CCSER2: variants seen among roughly 807,000 people sequenced by gnomAD.
CCSER2 encodes the protein coiled-coil serine rich protein 2, also known as serine-rich coiled-coil domain-containing protein 2.
CCSER2 carries 46 observed loss-of-function variants against 92.3 expected under a neutral mutation model. That is an observed-to-expected ratio of 0.50 (90% confidence interval 0.39 to 0.64). The LOEUF (loss-of-function observed/expected upper bound fraction) is 0.64, where lower values mean the gene tolerates loss of function less well. Among genes scored for constraint, CCSER2 ranks in the 30% least tolerant of loss-of-function variants. The probability of loss-of-function intolerance (pLI) is 0.00; values close to 1 mark genes in which losing one functional copy is unlikely to be tolerated. For synonymous variants in CCSER2, 433 were observed against 431.4 expected, an observed-to-expected ratio of 1.00 and a Z score of -0.04; for missense variants, 1,244 against 1,238.9, an observed-to-expected ratio of 1.00 and a Z score of -0.06.
chr10:84,478,164 G>A (rs1847264921), intron 9 of CCSER2, among the ~76,000 whole-genome samples: 2 of 152,158 alleles, frequency 1.3e-5, no homozygotes, highest in Non-Finnish European at 2.9e-5. Context: ...CAGAACTAGG[G>A]AATGGTTTAT....
intron 9 of CCSER2, among the ~76,000 whole-genome samples, chr10:84,508,885 T>G (rs1429645853): frequency 1.3e-5 from 2 of 152,236 alleles, no homozygotes; most frequent in African/African-American, 4.8e-5. Context: ...GAGGACATAC[T>G]ATGTGCTAGG....
chr10:84,417,945 CT>C, intron 4 of CCSER2, 84 bp downstream of exon 4: 1 of 740,020 alleles, frequency 1.4e-6, no homozygotes. Flanking sequence ...TACTTGCAGA[CT>C]TCTTAATCTT....
intron 6 of CCSER2, among the ~76,000 whole-genome samples, chr10:84,443,117 C>T (rs1040292212): frequency 2.0e-5 from 3 of 152,110 alleles, no homozygotes; most frequent in Admixed American, 1.3e-4. Flanking sequence ...ACACCAAAAG[C>T]GATGGCAGCA....
intron 5 of CCSER2, among the ~76,000 whole-genome samples, chr10:84,433,291 C>T (rs1458436982): frequency 6.6e-6 from 1 of 152,048 alleles, no homozygotes; most frequent in Non-Finnish European, 1.5e-5. Context: ...AAAATGTTAC[C>T]ACAAACATAA....
rs551897747 is a variant in CCSER2, at chr10:84,425,476, G to A, written c.1706-255G>A. Among the ~76,000 whole-genome samples the A allele has an allele frequency of 3.0e-4, 45 of 152,272 alleles. No homozygotes were observed. The South Asian group carries it at 9.1e-3, about 31-fold the overall frequency. On this transcript the variant is annotated intron_variant, in intron 4 of 9. Coordinates refer to ENST00000372088, the MANE Select transcript of CCSER2 (RefSeq NM_001284240.2). ...GTTAATTTGCCTGTTTTAAAACAGT[G>A]TGGCAGTTAATTGTTTACATGACTG...
chr10:84,453,738 TGTA>T (rs531315851), intron 6 of CCSER2, among the ~76,000 whole-genome samples: 126 of 152,348 alleles, frequency 8.3e-4, no homozygotes, highest in African/African-American at 2.7e-3. Context: ...CCATTTTTGT[TGTA>T]GTATTTTCAG....
intron 3 of CCSER2, among the ~76,000 whole-genome samples, chr10:84,376,880 T>C (rs893122862): frequency 9.2e-5 from 14 of 152,122 alleles, no homozygotes; most frequent in African/African-American, 2.7e-4. Context: ...TTTGCTATTT[T>C]GTGGGTATAG....
chr10:84,414,973 CATGTT>C (rs1339304670), intron 3 of CCSER2, among the ~76,000 whole-genome samples: 2 of 152,142 alleles, frequency 1.3e-5, no homozygotes, highest in Non-Finnish European at 2.9e-5. Context: ...GGGAAGTTCT[CATGTT>C]ATGATTTTTA....
intron 5 of CCSER2, among the ~76,000 whole-genome samples, chr10:84,434,371 CCT>C (rs1843977648): frequency 6.6e-6 from 1 of 152,040 alleles, no homozygotes; most frequent in African/African-American, 2.4e-5. Context: ...GAAAATAATC[CCT>C]GTTATATATT....
At chr10:84,497,141 G>T (rs1324837137) in intron 9 of CCSER2, among the ~76,000 whole-genome samples, 2 of 152,194 alleles carry the variant, frequency 1.3e-5, no homozygotes, top group Non-Finnish European at 2.9e-5. Flanking sequence ...ATGAAAAGAG[G>T]AAGAAAGATT....
In CCSER2 at chr10:84,354,221, C is replaced by A. The variant is rs527459464; in HGVS notation, c.-39-16793C>A. Among the ~76,000 whole-genome samples, 357 of 150,540 alleles carry A rather than the reference C, an allele frequency of 2.4e-3. 1 individual carries two copies. Among genetic ancestry groups the A allele is most frequent in the African/African-American group, 8.3e-3 (342 of 41,192 alleles). ...CTATCTCAAACAAAAAACAAAAAAA[C>A]AAGATTACGTCTATGTTGTCTCAAG... On this transcript the variant is annotated intron_variant, in intron 1 of 9. Transcript: ENST00000372088.
At chr10:84,487,617 T>C (rs1270455496) in intron 9 of CCSER2, among the ~76,000 whole-genome samples, 1 of 152,234 alleles carries the variant, frequency 6.6e-6, no homozygotes, top group Non-Finnish European at 1.5e-5. Flanking sequence ...CTGAAGTTGC[T>C]TATCAGCTTA....
At chr10:84,356,853 T>C (rs1845199944) in intron 1 of CCSER2, among the ~76,000 whole-genome samples, 1 of 152,232 alleles carries the variant, frequency 6.6e-6, no homozygotes, top group Non-Finnish European at 1.5e-5. Context: ...TAAGCTGTTA[T>C]ACATTATGTG....
rs867783600 is a variant in CCSER2 at position 84,457,624 on chromosome 10, T to G, written c.2065-6309T>G. Among the ~76,000 whole-genome samples, 130 of 19,932 alleles carry G rather than the reference T, an allele frequency of 6.5e-3. 4 individuals are homozygous for G. The highest frequency in any genetic ancestry group is 4.7e-3 in the Non-Finnish European group (45 of 9,672). 13.1% of individuals were successfully genotyped at this position (19,932 alleles called of 152,430 possible). ...TTATATATTATATATAATTATATATTTATATATTATATATAATTATATATA... is the reference window on the plus strand; with the variant it reads ...TTATATATTATATATAATTATATATGTATATATTATATATAATTATATATA... On this transcript the variant is annotated intron_variant, in intron 6 of 9. Coordinates refer to ENST00000372088, the MANE Select transcript of CCSER2 (RefSeq NM_001284240.2).
chr10:84,453,121 T>A (rs555866480), intron 6 of CCSER2, among the ~76,000 whole-genome samples: 1 of 152,218 alleles, frequency 6.6e-6, no homozygotes, highest in Non-Finnish European at 1.5e-5. Flanking sequence ...AACTCCTAGT[T>A]GTCTTGGGCT....
chr10:84,357,685 C>T (rs75344773), intron 1 of CCSER2, among the ~76,000 whole-genome samples: 22,709 of 152,080 alleles, frequency 0.15, 1,818 homozygotes, highest in Admixed American at 0.24. Flanking sequence ...CTCCTGACCT[C>T]GTGATTCGCC....
At chr10:84,347,000 C>T (rs913756889) in intron 1 of CCSER2, among the ~76,000 whole-genome samples, 8 of 152,162 alleles carry the variant, frequency 5.3e-5, no homozygotes, top group East Asian at 3.9e-4. Flanking sequence ...AGCATGCTGC[C>T]TTCAAGCATC....
intron 3 of CCSER2, among the ~76,000 whole-genome samples, chr10:84,378,000 A>G (rs534787454): frequency 2.8e-4 from 42 of 152,336 alleles, no homozygotes; most frequent in African/African-American, 9.6e-4. Context: ...TATACATTCT[A>G]TAATCATACC....
chr10:84,411,843 A>G (rs1012679062), intron 3 of CCSER2, among the ~76,000 whole-genome samples: 15 of 152,220 alleles, frequency 9.9e-5, no homozygotes, highest in African/African-American at 3.6e-4. Flanking sequence ...TTCCAGTACT[A>G]TGTTGAATAG....
Sources: allele counts gnomAD v4.1 joint callset (sites outside exome capture counted in the v4.1 genomes callset), GRCh38; gene constraint gnomAD v4.1.1; transcripts MANE v1.5; gene names NCBI Gene and HGNC (gene_info 2026-07-23, HGNC 2026-07-21).